Variants in EXT1 observed in about 807,000 individuals in gnomAD.
EXT1 encodes the protein exostosin-1.
EXT1 carries 20 observed loss-of-function variants against 82.5 expected under a neutral mutation model. That is an observed-to-expected ratio of 0.24 (90% CI 0.17 to 0.35). EXT1 has a LOEUF of 0.35. Ranked by LOEUF, EXT1 falls within the 10% of genes least tolerant of loss-of-function variation. The pLI is 1.00. For synonymous variants in EXT1, 348 were observed against 350.8 expected, an observed-to-expected ratio of 0.99 and a Z score of 0.09; for missense variants, 757 against 936.5, an observed-to-expected ratio of 0.81 and a Z score of 2.50.
At chr8:117,813,211 C>G (rs1254260472) in intron 7 of EXT1, among the ~76,000 whole-genome samples, 1 of 152,114 alleles carries the variant, frequency 6.6e-6, no homozygotes, top group Non-Finnish European at 1.5e-5. Context: ...AGACATGTTC[C>G]CTGTCTTTGA....
chr8:117,963,153 G>A (rs1459306467), intron 1 of EXT1, among the ~76,000 whole-genome samples: 1 of 152,192 alleles, frequency 6.6e-6, no homozygotes, highest in Non-Finnish European at 1.5e-5. Flanking sequence ...GAGGTGTTGA[G>A]TTTCAGGTTA....
chr8:117,975,515 T>A (rs1815044278), intron 1 of EXT1, among the ~76,000 whole-genome samples: 1 of 152,174 alleles, frequency 6.6e-6, no homozygotes, highest in Non-Finnish European at 1.5e-5. Context: ...ATTTGTTTTC[T>A]TCCATCAAAA....
At chr8:118,061,912 G>A (rs1021817497) in intron 1 of EXT1, among the ~76,000 whole-genome samples, 4 of 152,176 alleles carry the variant, frequency 2.6e-5, no homozygotes, top group African/African-American at 9.6e-5. Flanking sequence ...AGATTAAGAA[G>A]TGGAGCAACT....
intron 1 of EXT1, among the ~76,000 whole-genome samples, chr8:118,077,072 T>G (rs1817226850): frequency 1.3e-5 from 2 of 151,892 alleles, no homozygotes; most frequent in African/African-American, 2.4e-5. Context: ...CATTTCAGAG[T>G]TTTTTTTCTT....
chr8:117,913,992 T>C (rs1813699969), intron 1 of EXT1, among the ~76,000 whole-genome samples: 2 of 152,186 alleles, frequency 1.3e-5, no homozygotes. Context: ...AAGCTGGGAC[T>C]GGACTTCCAA....
At chr8:117,972,270 A>G (rs572371198) in intron 1 of EXT1, among the ~76,000 whole-genome samples, 25 of 152,294 alleles carry the variant, frequency 1.6e-4, no homozygotes, top group African/African-American at 5.3e-4. Context: ...ACTGTGTAGC[A>G]TGCAAAATTT....
At chr8:117,936,620 A>G (rs1383913438) in intron 1 of EXT1, among the ~76,000 whole-genome samples, 3 of 152,200 alleles carry the variant, frequency 2.0e-5, no homozygotes, top group African/African-American at 7.2e-5. Context: ...CACGCTTGTA[A>G]TCCCAGCACT....
chr8:117,958,417 T>C (rs1814632100), intron 1 of EXT1, among the ~76,000 whole-genome samples: 1 of 152,242 alleles, frequency 6.6e-6, no homozygotes, highest in Non-Finnish European at 1.5e-5. Flanking sequence ...ATGTGTCTTG[T>C]CTCACATTTG....
intron 1 of EXT1, among the ~76,000 whole-genome samples, chr8:118,008,725 C>A (rs7014925): frequency 0.19 from 28,819 of 151,924 alleles, 3,762 homozygotes; most frequent in African/African-American, 0.38. Flanking sequence ...TGTTTCTAAT[C>A]TTTTCTTATT....
chr8:118,012,517 A>T (rs1486600630), intron 1 of EXT1, among the ~76,000 whole-genome samples: 1 of 152,242 alleles, frequency 6.6e-6, no homozygotes, highest in African/African-American at 2.4e-5. Context: ...TCTAGGACAG[A>T]GACCAGGCCC....
At chr8:117,999,352 T>C (rs560950625) in intron 1 of EXT1, among the ~76,000 whole-genome samples, 5 of 152,318 alleles carry the variant, frequency 3.3e-5, no homozygotes, top group East Asian at 3.9e-4. Context: ...GAGACTAGAA[T>C]TGCAGAAAGG....
At chr8:118,006,689 T>C (rs1420678635) in intron 1 of EXT1, among the ~76,000 whole-genome samples, 1 of 152,224 alleles carries the variant, frequency 6.6e-6, no homozygotes, top group Admixed American at 6.5e-5. Flanking sequence ...CTGAATCTCA[T>C]TTTTATCATC....
At chr8:118,064,111 G>A (rs571553714) in intron 1 of EXT1, among the ~76,000 whole-genome samples, 6 of 152,248 alleles carry the variant, frequency 3.9e-5, no homozygotes, top group African/African-American at 9.6e-5. Context: ...TGATCCATCC[G>A]CCTCGGCCTC....
At chr8:117,941,462 G>A (rs963139691) in intron 1 of EXT1, among the ~76,000 whole-genome samples, 2 of 152,228 alleles carry the variant, frequency 1.3e-5, no homozygotes, top group African/African-American at 2.4e-5. Flanking sequence ...AGTAAGGCTG[G>A]ATCTAGGGTA....
intron 1 of EXT1, among the ~76,000 whole-genome samples, chr8:117,876,461 A>G (rs938595741): frequency 6.6e-6 from 1 of 152,240 alleles, no homozygotes; most frequent in East Asian, 1.9e-4. Context: ...TGCTTATAAA[A>G]CTGCTTTTTT....
chr8:118,079,885 G>T (rs2129979806), intron 1 of EXT1, among the ~76,000 whole-genome samples: 1 of 152,316 alleles, frequency 6.6e-6, no homozygotes, highest in South Asian at 2.1e-4. Context: ...TCAATAGAAA[G>T]AAAGAAGTGG....
chr8:117,901,083 G>A (rs770836719), intron 1 of EXT1, among the ~76,000 whole-genome samples: 10 of 152,124 alleles, frequency 6.6e-5, no homozygotes, highest in African/African-American at 1.4e-4. Context: ...CAAATCCATC[G>A]TTTTCCAGGG....
At chr8:117,854,665 G>C (rs926111200) in intron 1 of EXT1, among the ~76,000 whole-genome samples, 6 of 152,188 alleles carry the variant, frequency 3.9e-5, no homozygotes, top group African/African-American at 1.4e-4. Context: ...ACACTGTTGA[G>C]AGCACACTCA....
At chr8:118,049,749 A>G (rs1426665633) in intron 1 of EXT1, among the ~76,000 whole-genome samples, 1 of 152,192 alleles carries the variant, frequency 6.6e-6, no homozygotes, top group African/African-American at 2.4e-5. Context: ...CTTTCTGGCC[A>G]AGGGAAGATT....
Sources: gnomAD v4.1 joint callset for allele counts (sites outside exome capture counted in the v4.1 genomes callset) on GRCh38, gnomAD v4.1.1 for gene constraint, MANE v1.5 for transcripts, NCBI Gene and HGNC (gene_info 2026-07-23, HGNC 2026-07-21) for gene names.